Variants in SLC25A48 observed in about 807,000 individuals in gnomAD.
The protein encoded by SLC25A48 is solute carrier family 25 member 48, also known as CTC-321K16.1.
Under a neutral mutation model 32.2 loss-of-function variants are expected in SLC25A48, and 29 were observed. The observed-to-expected ratio is 0.90, with a 90% CI of 0.67 to 1.23. The LOEUF (loss-of-function observed/expected upper bound fraction) is 1.23, where lower values mean the gene tolerates loss of function less well. Among genes scored for constraint, SLC25A48 ranks in the 50% most tolerant of loss-of-function variants. SLC25A48 has a pLI of 0.00. For missense variants in SLC25A48, 399 were observed against 422.7 expected (o/e 0.94, Z 0.49); for synonymous variants, 164 against 172.3 (o/e 0.95, Z 0.38).
chr5:135,752,784 G>T (rs1411559240), intron 3 of SLC25A48, among the ~76,000 whole-genome samples: 2 of 151,554 alleles, frequency 1.3e-5, no homozygotes, highest in Admixed American at 1.3e-4. Context: ...TAATGTCACT[G>T]GGTGTAAACA....
intron 1 of SLC25A48, among the ~76,000 whole-genome samples, chr5:135,616,938 T>C (rs1334328530): frequency 3.3e-5 from 5 of 152,332 alleles, no homozygotes; most frequent in South Asian, 4.1e-4. Flanking sequence ...TGTGTCCTTA[T>C]CTGGTTTTGG....
chr5:135,688,616 C>G (rs1432137139), intron 3 of SLC25A48, among the ~76,000 whole-genome samples: 1 of 152,180 alleles, frequency 6.6e-6, no homozygotes, highest in Non-Finnish European at 1.5e-5. Context: ...TGTAAACATG[C>G]TGAAAAAACA....
rs1762799248 is a variant in SLC25A48, at chr5:135,888,070, C to T, written c.*46C>T. 6.4e-7 allele frequency: 1 copy of T among 1,551,758 alleles called. No individual in the cohort carries two copies. The highest frequency in any genetic ancestry group is 8.7e-7 in the Non-Finnish European group (1 of 1,146,902). ...GATGACTACAGTGTTCCCTGGGCCT[C>T]ATCTCTGCATGTGAAGCCCTGAGAG... On this transcript the variant is annotated 3_prime_UTR_variant, in exon 8 of 8. Transcript: ENST00000681962.
chr5:135,638,085 G>T (rs960478729), intron 3 of SLC25A48, among the ~76,000 whole-genome samples: 1 of 152,196 alleles, frequency 6.6e-6, no homozygotes, highest in African/African-American at 2.4e-5. Flanking sequence ...TGCATGTGAA[G>T]ACCTGGTCTT....
intron 3 of SLC25A48, among the ~76,000 whole-genome samples, chr5:135,797,575 G>A (rs1349244356): frequency 6.6e-6 from 1 of 151,890 alleles, no homozygotes; most frequent in Non-Finnish European, 1.5e-5. Context: ...CACAGTTTCT[G>A]TGATATTGCT....
intron 7 of SLC25A48, among the ~76,000 whole-genome samples, chr5:135,884,881 T>G (rs1762661601): frequency 1.1e-5 from 1 of 88,434 alleles, no homozygotes; most frequent in Non-Finnish European, 2.2e-5. Context: ...GTGTCTGAGC[T>G]TTTCCTAGTT....
chr5:135,808,736 A>G (rs192275422), intron 3 of SLC25A48, among the ~76,000 whole-genome samples: 54 of 152,326 alleles, frequency 3.5e-4, no homozygotes, highest in African/African-American at 1.3e-3. Flanking sequence ...GTAAAGCACA[A>G]GAACATGGAA....
chr5:135,834,713 G>C lies in SLC25A48; in HGVS notation c.-135G>C. On this transcript the variant is annotated 5_prime_UTR_variant, in exon 1 of 8. Transcript: ENST00000681962. ...CGCGCAGCCGGTGACTGGGGGACTG[G>C]GTTTGGAGTAGGACCTGCGGCGTGC... 1.0e-6 allele frequency: 1 copy of C among 960,298 alleles called. No homozygotes were observed. Among genetic ancestry groups the C allele is most frequent in the Admixed American group, 3.0e-5 (1 of 32,890 alleles). 59.5% of individuals were successfully genotyped at this position (960,298 alleles called of 1,614,324 possible).
chr5:135,876,293 A>G (rs1427798107), intron 6 of SLC25A48: 3 of 151,826 alleles, frequency 2.0e-5, no homozygotes, highest in Non-Finnish European at 4.4e-5. Flanking sequence ...ATTCGTAAAA[A>G]GTCTGTAGAG....
chr5:135,583,605 A>T (rs1433998878), intron 1 of SLC25A48, among the ~76,000 whole-genome samples: 3 of 151,578 alleles, frequency 2.0e-5, no homozygotes, highest in African/African-American at 7.3e-5. Context: ...AATGGGGTTG[A>T]CTGCATACAA....
At chr5:135,851,402 C>T (rs1759853755) in intron 3 of SLC25A48, among the ~76,000 whole-genome samples, 1 of 152,198 alleles carries the variant, frequency 6.6e-6, no homozygotes, top group African/African-American at 2.4e-5. Flanking sequence ...GTTGATTCTC[C>T]TTTTGGCACA....
chr5:135,663,324 A>G (rs1053251820), intron 3 of SLC25A48, among the ~76,000 whole-genome samples: 1 of 152,176 alleles, frequency 6.6e-6, no homozygotes, highest in African/African-American at 2.4e-5. Context: ...TGACATGTTG[A>G]GCCAGATACT....
chr5:135,608,672 G>A (rs994922544), intron 1 of SLC25A48, among the ~76,000 whole-genome samples: 7 of 152,188 alleles, frequency 4.6e-5, no homozygotes, highest in Non-Finnish European at 7.4e-5. Context: ...TTGCTGCACC[G>A]TGGCCAAGAC....
At chr5:135,882,101 A>G (rs183488623) in intron 7 of SLC25A48, among the ~76,000 whole-genome samples, 18 of 152,350 alleles carry the variant, frequency 1.2e-4, no homozygotes, top group African/African-American at 4.1e-4. Flanking sequence ...CCCAATTGGA[A>G]GCTTTTCTTT....
At chr5:135,636,010 T>C (rs1233537922) in intron 3 of SLC25A48, among the ~76,000 whole-genome samples, 9 of 152,194 alleles carry the variant, frequency 5.9e-5, no homozygotes, top group African/African-American at 2.2e-4. Context: ...AACTCCCCAT[T>C]CCCATTTCTG....
At chr5:135,807,095 CTG>C (rs991004304) in intron 3 of SLC25A48, among the ~76,000 whole-genome samples, 6 of 150,142 alleles carry the variant, frequency 4.0e-5, no homozygotes, top group African/African-American at 9.7e-5. Flanking sequence ...GGGTTTAACA[CTG>C]TGTTTTAACT....
intron 1 of SLC25A48, among the ~76,000 whole-genome samples, chr5:135,598,377 A>G (rs1228752719): frequency 6.6e-6 from 1 of 152,090 alleles, no homozygotes; most frequent in Non-Finnish European, 1.5e-5. Flanking sequence ...AACTTGGACC[A>G]CTCTGACTTG....
At chr5:135,723,903 C>A (rs1755029231) in intron 3 of SLC25A48, among the ~76,000 whole-genome samples, 1 of 152,190 alleles carries the variant, frequency 6.6e-6, no homozygotes. Flanking sequence ...TCTATAATTT[C>A]TCAATGCTAT....
chr5:135,657,438 A>T (rs1753280258), intron 3 of SLC25A48, among the ~76,000 whole-genome samples: 1 of 152,248 alleles, frequency 6.6e-6, no homozygotes, highest in Admixed American at 6.5e-5. Context: ...TTTATGGCAC[A>T]TGGCAGTCAT....
Sources: allele counts gnomAD v4.1 joint callset (sites outside exome capture counted in the v4.1 genomes callset), GRCh38; gene constraint gnomAD v4.1.1; transcripts MANE v1.5; gene names NCBI Gene and HGNC (gene_info 2026-07-23, HGNC 2026-07-21).